CHCHD6: variants seen among roughly 807,000 people sequenced by gnomAD.
CHCHD6 encodes coiled-coil-helix-coiled-coil-helix domain containing 6.
CHCHD6 carries 28 observed loss-of-function variants against 32.3 expected under a neutral mutation model. The observed-to-expected ratio is 0.87, with a 90% CI of 0.64 to 1.19. CHCHD6 has a LOEUF of 1.19. Among genes scored for constraint, CHCHD6 ranks in the 50% most tolerant of loss-of-function variants. The pLI is 0.00. For synonymous variants in CHCHD6, 122 were observed against 117.5 expected (o/e 1.04, Z -0.25); for missense variants, 333 against 307.0 (o/e 1.08, Z -0.63).
chr3:126,898,473 T>C (rs1282207015), intron 5 of CHCHD6, among the ~76,000 whole-genome samples: 1 of 152,156 alleles, frequency 6.6e-6, no homozygotes, highest in Admixed American at 6.5e-5. Flanking sequence ...ATGATAGAGA[T>C]ATTTTGGAAG....
chr3:126,722,289 AG>A (rs1429102979), intron 1 of CHCHD6, among the ~76,000 whole-genome samples: 9 of 152,270 alleles, frequency 5.9e-5, no homozygotes, highest in Admixed American at 2.6e-4. Context: ...CCAAGAAGCT[AG>A]GACTGTAGGC....
chr3:126,923,049 C>T (rs1233933608), intron 6 of CHCHD6, among the ~76,000 whole-genome samples: 1 of 152,180 alleles, frequency 6.6e-6, no homozygotes, highest in Admixed American at 6.5e-5. Context: ...CACACAGGGA[C>T]CCCAGTGGTC....
intron 1 of CHCHD6, among the ~76,000 whole-genome samples, chr3:126,718,801 C>T (rs562947753): frequency 1.3e-5 from 2 of 152,208 alleles, no homozygotes; most frequent in Admixed American, 1.3e-4. Context: ...GGAGGCCTCC[C>T]CTCTGGTTCT....
intron 4 of CHCHD6, among the ~76,000 whole-genome samples, chr3:126,805,016 A>C (rs1464986221): frequency 6.6e-6 from 1 of 151,988 alleles, no homozygotes; most frequent in African/African-American, 2.4e-5. Flanking sequence ...CATGCTAAAA[A>C]CTCTCAATAA....
chr3:126,914,737 G>A lies in CHCHD6; in HGVS notation c.553G>A (p.Glu185Lys). Residue 185 changes from glutamate (E) to lysine (K), a missense_variant, in exon 6 of 8, where the codon GAG becomes AAG. Physicochemically the swap from Glu to Lys is moderately conservative, Grantham distance 56. Transcript: ENST00000290913. ...EQFHEAASKMESTIKPRRVEP... is the reference protein window; with the variant it reads ...EQFHEAASKMKSTIKPRRVEP... Reference sequence around the variant, plus strand: ...ATTCCATGAGGCAGCCTCAAAGATGGAGAGCACAATAAAGTAAGAATTTGT... The same window carrying A: ...ATTCCATGAGGCAGCCTCAAAGATGAAGAGCACAATAAAGTAAGAATTTGT... The A allele has an allele frequency of 6.4e-7, 1 of 1,571,158 alleles. No individual in the cohort carries two copies. The highest frequency in any genetic ancestry group is 8.8e-7 in the Non-Finnish European group (1 of 1,140,744).
intron 1 of CHCHD6, among the ~76,000 whole-genome samples, chr3:126,722,793 C>T (rs1935369040): frequency 6.6e-6 from 1 of 152,120 alleles, no homozygotes. Context: ...GTACTCAAAA[C>T]TTTAAAATTT....
chr3:126,740,735 G>A (rs1936257001), intron 4 of CHCHD6, among the ~76,000 whole-genome samples: 1 of 152,234 alleles, frequency 6.6e-6, no homozygotes, highest in South Asian at 2.1e-4. Flanking sequence ...ATAATTAGTT[G>A]AAAGGGACAC....
At chr3:126,935,946 G>A (rs192038107) in intron 6 of CHCHD6, among the ~76,000 whole-genome samples, 1 of 152,346 alleles carries the variant, frequency 6.6e-6, no homozygotes, top group East Asian at 1.9e-4. Context: ...GCTTTTGCTT[G>A]GGACTGATGT....
intron 5 of CHCHD6, among the ~76,000 whole-genome samples, chr3:126,860,784 A>G (rs79091290): frequency 0.021 from 3,151 of 152,262 alleles, 119 homozygotes; most frequent in African/African-American, 0.072. Context: ...CTTTCTTAGC[A>G]AGATGAGCTT....
chr3:126,916,947 G>A (rs1378527904), intron 6 of CHCHD6, among the ~76,000 whole-genome samples: 1 of 152,182 alleles, frequency 6.6e-6, no homozygotes, highest in African/African-American at 2.4e-5. Context: ...GATGCACTGG[G>A]GGAGAAGCCA....
chr3:126,815,253 C>A (rs893925791), intron 4 of CHCHD6, among the ~76,000 whole-genome samples: 1 of 152,174 alleles, frequency 6.6e-6, no homozygotes, highest in Non-Finnish European at 1.5e-5. Context: ...CTACCTGATC[C>A]TTCAGTATCA....
chr3:126,945,756 A>C (rs1166238183), intron 6 of CHCHD6, among the ~76,000 whole-genome samples: 1 of 106,012 alleles, frequency 9.4e-6, no homozygotes, highest in African/African-American at 3.8e-5. Flanking sequence ...GGGAGACTTG[A>C]GTGGGGAGAC....
chr3:126,937,213 C>G (rs2078493018), intron 6 of CHCHD6, among the ~76,000 whole-genome samples: 1 of 152,230 alleles, frequency 6.6e-6, no homozygotes, highest in Non-Finnish European at 1.5e-5. Flanking sequence ...TGGCTCGAGT[C>G]CACTGTGATT....
chr3:126,823,996 GT>G lies in CHCHD6; in HGVS notation c.412-28650del, dbSNP rs1301874758. Among the ~76,000 whole-genome samples the G allele has an allele frequency of 4.6e-5, 7 of 152,176 alleles. No individual in the cohort carries two copies. In the South Asian group the frequency reaches 1.5e-3, roughly 32 times the overall value. On this transcript the variant is annotated intron_variant, in intron 4 of 7. Transcript: ENST00000290913. Reference sequence around the variant, plus strand: ...GTGCTGAAGCAGGAGGTTCACATGAGTCCTGGAATTTGAGGCTACAGTGAGC... The same window carrying G: ...GTGCTGAAGCAGGAGGTTCACATGAGCCTGGAATTTGAGGCTACAGTGAGC...
chr3:126,737,968 A>G (rs911318636), intron 4 of CHCHD6, among the ~76,000 whole-genome samples: 1 of 152,132 alleles, frequency 6.6e-6, no homozygotes, highest in African/African-American at 2.4e-5. Context: ...TCACTAGGAA[A>G]ATACTTCAGT....
chr3:126,949,291 G>A (rs1172761138), intron 6 of CHCHD6: 5 of 168,032 alleles, frequency 3.0e-5, no homozygotes, highest in Non-Finnish European at 5.1e-5. Context: ...ACCCAGTGGC[G>A]GCCCTGGACC....
At chr3:126,943,595 CT>C (rs2078593561) in intron 6 of CHCHD6, among the ~76,000 whole-genome samples, 1 of 152,168 alleles carries the variant, frequency 6.6e-6, no homozygotes, top group Non-Finnish European at 1.5e-5. Context: ...CCCCCTTTTT[CT>C]GGGTGACATG....
chr3:126,957,798 T>TAGGCTGGGTGGGAGC (rs1316621953), intron 7 of CHCHD6: 10 of 574,614 alleles, frequency 1.7e-5, no homozygotes, highest in South Asian at 5.9e-5. Context: ...TTTGCCCTAT[T>TAGGCTGGGTGGGAGC]AGGCTGGGTG....
intron 5 of CHCHD6, among the ~76,000 whole-genome samples, chr3:126,898,636 T>A (rs2077876134): frequency 6.6e-6 from 1 of 152,174 alleles, no homozygotes; most frequent in African/African-American, 2.4e-5. Flanking sequence ...CCTCCCAGGT[T>A]CAAGCGATTC....
Sources: gnomAD v4.1 joint callset for allele counts (sites outside exome capture counted in the v4.1 genomes callset) on GRCh38, gnomAD v4.1.1 for gene constraint, MANE v1.5 for transcripts, NCBI Gene and HGNC (gene_info 2026-07-23, HGNC 2026-07-21) for gene names.